Variants in ARHGAP17 observed in about 807,000 individuals in gnomAD.
ARHGAP17 encodes rho GTPase-activating protein 17.
ARHGAP17 carries 57 observed loss-of-function variants against 99.5 expected under a neutral mutation model. The observed-to-expected ratio is 0.57, with a 90% confidence interval of 0.46 to 0.71. The LOEUF is 0.71. ARHGAP17 is among the 30% of genes least tolerant of loss of function. The pLI is 0.00. For missense variants in ARHGAP17, 1,000 were observed against 1,122.4 expected, an observed-to-expected ratio of 0.89 and a Z score of 1.56; for synonymous variants, 417 against 429.6, an observed-to-expected ratio of 0.97 and a Z score of 0.36.
At chr16:24,954,921 C>G (rs1367359586) in intron 9 of ARHGAP17, 191 bp from the exon 10 acceptor site, 1 of 770,558 alleles carries the variant, frequency 1.3e-6, no homozygotes, top group Non-Finnish European at 2.0e-6. Context: ...CAGGCTGGGG[C>G]GGTTACTTGT....
intron 1 of ARHGAP17, among the ~76,000 whole-genome samples, chr16:24,980,246 C>G (rs987370599): frequency 6.6e-6 from 1 of 152,098 alleles, no homozygotes; most frequent in African/African-American, 2.4e-5. Flanking sequence ...GGGAAAGAAG[C>G]GCACAGCTCC....
chr16:24,985,571 C>G (rs1475116716), intron 1 of ARHGAP17, among the ~76,000 whole-genome samples: 1 of 152,190 alleles, frequency 6.6e-6, no homozygotes, highest in East Asian at 1.9e-4. Flanking sequence ...TGCTAAGGAC[C>G]TCTGTGATTA....
intron 17 of ARHGAP17, 48 bp downstream of exon 17, chr16:24,939,316 A>C: frequency 3.3e-6 from 5 of 1,514,208 alleles, no homozygotes; most frequent in Non-Finnish European, 4.4e-6. Context: ...ACCTGCAAGA[A>C]GGCTGGGGCG....
chr16:24,940,096 T>TG lies in ARHGAP17; in HGVS notation c.1491-500_1491-499insC, dbSNP rs545050383. On this transcript the variant is annotated intron_variant, in intron 16 of 19. Coordinates refer to ENST00000289968, the MANE Select transcript of ARHGAP17 (RefSeq NM_001006634.3). Reference sequence around the variant, plus strand: ...ACCATACTGGGATACTAAAAAAAAATTTTTTTTTGTAGAGATGCGGTCTCA... The same window carrying TG: ...ACCATACTGGGATACTAAAAAAAAATGTTTTTTTTGTAGAGATGCGGTCTCA... Among the ~76,000 whole-genome samples, 8 of 150,232 alleles carry TG rather than the reference T, an allele frequency of 5.3e-5. No individual in the cohort carries two copies. In the South Asian group the frequency reaches 1.3e-3, roughly 24 times the overall value.
chr16:24,987,888 C>CTGTG (rs1567255705), intron 1 of ARHGAP17, among the ~76,000 whole-genome samples: 1 of 152,222 alleles, frequency 6.6e-6, no homozygotes, highest in Non-Finnish European at 1.5e-5. Flanking sequence ...ATAAGACAGA[C>CTGTG]TGTGACTAAT....
chr16:24,964,402 A>G (rs759829458), intron 6 of ARHGAP17, 94 bp from the exon 7 acceptor site: 10 of 832,384 alleles, frequency 1.2e-5, no homozygotes, highest in Admixed American at 2.4e-5. Context: ...CTTCCCCACA[A>G]TTGATTCTAC....
chr16:24,935,811 G>T, intron 17 of ARHGAP17, 172 bp from the exon 18 acceptor site: 1 of 712,026 alleles, frequency 1.4e-6, no homozygotes, highest in Non-Finnish European at 2.3e-6. Flanking sequence ...TTTACTTGGT[G>T]CCATATAAAG....
chr16:24,942,153 G>GA lies in ARHGAP17; in HGVS notation c.1334-11dup, dbSNP rs749760074. 1.2e-6 allele frequency: 2 copies of GA among 1,601,274 alleles called. No individual in the cohort carries two copies. The highest frequency in any genetic ancestry group is 1.7e-6 in the Non-Finnish European group (2 of 1,173,590). On this transcript the variant is annotated splice_polypyrimidine_tract_variant and intron_variant, in intron 15 of 19. Coordinates refer to ENST00000289968, the MANE Select transcript of ARHGAP17 (RefSeq NM_001006634.3). ...ACATTAAATTCCACCTCTGCAAGAGGAAAAATAAACAAGTGCATGAGACAC... is the reference window on the plus strand; with the variant it reads ...ACATTAAATTCCACCTCTGCAAGAGGAAAAAATAAACAAGTGCATGAGACAC...
intron 6 of ARHGAP17, among the ~76,000 whole-genome samples, chr16:24,965,106 T>A (rs2052136295): frequency 6.6e-6 from 1 of 152,182 alleles, no homozygotes; most frequent in Non-Finnish European, 1.5e-5. Context: ...TGTTTGAAAA[T>A]GGGTATGTCT....
chr16:24,954,860 G>A (rs1033332400), intron 9 of ARHGAP17, 130 bp from the exon 10 acceptor site: 3 of 1,281,078 alleles, frequency 2.3e-6, no homozygotes, highest in South Asian at 3.0e-5. Flanking sequence ...GGATACATCT[G>A]TTCTATTTGC....
At chr16:24,929,569 T>A (rs1341645789) in intron 19 of ARHGAP17, 1 of 986,034 alleles carries the variant, frequency 1.0e-6, no homozygotes, top group Non-Finnish European at 1.2e-6. Flanking sequence ...CATTTGGAGC[T>A]GTGGGGCGAG....
chr16:24,922,370 GCT>G (rs1216364913), intron 19 of ARHGAP17, among the ~76,000 whole-genome samples: 1 of 152,144 alleles, frequency 6.6e-6, no homozygotes, highest in Non-Finnish European at 1.5e-5. Flanking sequence ...CTCCACAGCT[GCT>G]CTCTTTTTCT....
chr16:24,959,546 G>C, intron 9 of ARHGAP17, 125 bp downstream of exon 9: 1 of 864,190 alleles, frequency 1.2e-6, no homozygotes, highest in Non-Finnish European at 1.8e-6. Flanking sequence ...CTGGGAAACA[G>C]TACCCTCCTA....
chr16:25,006,099 T>C (rs12598333), intron 1 of ARHGAP17, among the ~76,000 whole-genome samples: 39,537 of 151,946 alleles, frequency 0.26, 6,019 homozygotes, highest in East Asian at 0.51. Flanking sequence ...ACAATCCAGC[T>C]CAAGCCAGCT....
intron 12 of ARHGAP17, among the ~76,000 whole-genome samples, chr16:24,950,308 C>A (rs1270922110): frequency 6.6e-6 from 1 of 152,104 alleles, no homozygotes; most frequent in Admixed American, 6.5e-5. Flanking sequence ...TTGTAATAAA[C>A]AAGGAAATCT....
chr16:25,001,428 G>A (rs1315393501), intron 1 of ARHGAP17, among the ~76,000 whole-genome samples: 1 of 152,018 alleles, frequency 6.6e-6, no homozygotes, highest in African/African-American at 2.4e-5. Flanking sequence ...GCCCACAACA[G>A]GGACCCAATA....
rs776338816 is a variant in ARHGAP17, at chr16:24,952,309, T to G, written c.1026A>C (p.Glu342Asp). ...CTTACCTTGCAACTTGTGTCCATTC[T>G]TCATACAGATTAAAAGTCATCAAAG... The part of the protein sequence containing the change: ...PEPLMTFNLY[E>D]EWTQVASVQD... Residue 342 changes from glutamate (E) to aspartate (D), a missense_variant, in exon 12 of 20, where the codon GAA becomes GAC. Coordinates refer to ENST00000289968, the MANE Select transcript of ARHGAP17 (RefSeq NM_001006634.3). 2 of 1,612,858 alleles carry G rather than the reference T, an allele frequency of 1.2e-6. No homozygotes were observed. Among genetic ancestry groups the G allele is most frequent in the African/African-American group, 2.7e-5 (2 of 74,904 alleles).
chr16:25,013,361 G>A (rs945708503), intron 1 of ARHGAP17, among the ~76,000 whole-genome samples: 21 of 152,188 alleles, frequency 1.4e-4, no homozygotes, highest in African/African-American at 4.8e-4. Context: ...GGTGGCTCAC[G>A]CTTGTAGTCC....
chr16:25,001,902 G>GT (rs2053369972), intron 1 of ARHGAP17, among the ~76,000 whole-genome samples: 2 of 152,082 alleles, frequency 1.3e-5, no homozygotes, highest in Admixed American at 6.6e-5. Flanking sequence ...TGACCAAAGC[G>GT]AAACCCTGTC....
Sources: gnomAD v4.1 joint callset for allele counts (sites outside exome capture counted in the v4.1 genomes callset) on GRCh38, gnomAD v4.1.1 for gene constraint, MANE v1.5 for transcripts, NCBI Gene and HGNC (gene_info 2026-07-23, HGNC 2026-07-21) for gene names.